The following WDR33 variants were observed in gnomAD, a reference collection of about 807,000 sequenced individuals.
WDR33 encodes the protein pre-mRNA 3' end processing protein WDR33.
Under a neutral mutation model 164.9 loss-of-function variants are expected in WDR33, and 47 were observed. The observed-to-expected ratio is 0.29, with a 90% CI of 0.23 to 0.36. WDR33 has a LOEUF of 0.36. Among genes scored for constraint, WDR33 ranks in the 10% least tolerant of loss-of-function variants. The pLI is 1.00. For missense variants in WDR33, 1,137 were observed against 1,754.1 expected, an observed-to-expected ratio of 0.65 and a Z score of 6.28; for synonymous variants, 505 against 589.0, an observed-to-expected ratio of 0.86 and a Z score of 2.06.
intron 21 of WDR33, among the ~76,000 whole-genome samples, chr2:127,707,233 A>AG (rs1390481512): frequency 2.0e-5 from 3 of 151,426 alleles, no homozygotes; most frequent in African/African-American, 7.3e-5. Context: ...TATATTTAAA[A>AG]AAAAAAAAAA....
In WDR33 at chr2:127,724,839, G is replaced by A. The variant is rs147191220; in HGVS notation, c.1085+48C>T. On this transcript the variant is annotated intron_variant, in intron 10 of 21. Transcript: ENST00000322313. The surrounding 1 kb of genome is among the most constrained non-coding windows in gnomAD (Gnocchi z 4.8). ...AACTATCATGTCTGCACACATTCAC[G>A]TGCTCTCTTCACAAAATACACTACT... 7.0e-5 allele frequency: 111 copies of A among 1,584,656 alleles called. 2 individuals are homozygous for A. The Middle Eastern group carries it at 1.0e-3, about 14-fold the overall frequency.
intron 1 of WDR33, among the ~76,000 whole-genome samples, chr2:127,779,666 G>A (rs1015558698): frequency 2.0e-5 from 3 of 152,126 alleles, no homozygotes; most frequent in African/African-American, 7.2e-5. Flanking sequence ...CCCTTCCTGT[G>A]TATTTTCTGT....
At chr2:127,728,764 T>A (rs1028043293) in intron 7 of WDR33, among the ~76,000 whole-genome samples, 1 of 152,134 alleles carries the variant, frequency 6.6e-6, no homozygotes, top group African/African-American at 2.4e-5. Context: ...TCAATCAAAT[T>A]TGGGATTATG....
chr2:127,788,472 G>A (rs1201090687), intron 1 of WDR33, among the ~76,000 whole-genome samples: 2 of 133,106 alleles, frequency 1.5e-5, no homozygotes, highest in Non-Finnish European at 3.2e-5. Context: ...CGGGCGGGGG[G>A]CTGACACCCC....
At position 127,721,299 on chromosome 2, in the gene WDR33, G is replaced by C. The variant is rs1308093367; in HGVS notation, c.1671+537C>G. ...ATTTTTGTATTTTCAGTAGAGGTGGGGTTTCACCATGTTGACCATGCTGGT... is the reference window on the plus strand; with the variant it reads ...ATTTTTGTATTTTCAGTAGAGGTGGCGTTTCACCATGTTGACCATGCTGGT... On this transcript the variant is annotated intron_variant, in intron 15 of 21. Coordinates refer to ENST00000322313, the MANE Select transcript of WDR33 (RefSeq NM_018383.5). This position sits in a 1 kb window ranked among gnomAD's most constrained non-coding sequence, Gnocchi z 4.9. Among the ~76,000 whole-genome samples the C allele has an allele frequency of 6.6e-6, 1 of 152,084 alleles. No individual in the cohort carries two copies. Among genetic ancestry groups the C allele is most frequent in the Non-Finnish European group, 1.5e-5 (1 of 68,016 alleles).
chr2:127,810,484 C>T (rs1420698018), intron 1 of WDR33, among the ~76,000 whole-genome samples: 2 of 152,194 alleles, frequency 1.3e-5, no homozygotes, highest in Non-Finnish European at 2.9e-5. Flanking sequence ...AGGGATCTAG[C>T]ACAAACCAAA....
intron 7 of WDR33, chr2:127,737,374 T>C: frequency 1.0e-6 from 1 of 985,540 alleles, no homozygotes; most frequent in Non-Finnish European, 1.2e-6. Context: ...TGTGTGTGTG[T>C]ATGTTCGGGC....
chr2:127,767,839 T>C (rs1687870052), intron 4 of WDR33, among the ~76,000 whole-genome samples: 1 of 152,250 alleles, frequency 6.6e-6, no homozygotes, highest in South Asian at 2.1e-4. Flanking sequence ...TCCTGTCTGT[T>C]AACTCCTAAG....
chr2:127,701,179 T>A lies in WDR33; in HGVS notation c.*5144A>T. On this transcript the variant is annotated 3_prime_UTR_variant, in exon 22 of 22. Transcript: ENST00000322313. ...TAGACGCAGTGAGGCCATAAGACAT[T>A]TCCGTCAGCAAAAGGGTCACTTCTT... 1 of 187,552 alleles carries A rather than the reference T, an allele frequency of 5.3e-6. No individual in the cohort carries two copies. Among genetic ancestry groups the A allele is most frequent in the Non-Finnish European group, 1.1e-5 (1 of 91,632 alleles). 11.6% of individuals were successfully genotyped at this position (187,552 alleles called of 1,614,324 possible).
intron 7 of WDR33, among the ~76,000 whole-genome samples, chr2:127,731,455 A>C (rs1686706391): frequency 6.6e-6 from 1 of 152,206 alleles, no homozygotes; most frequent in Non-Finnish European, 1.5e-5. Flanking sequence ...TATCTATCAC[A>C]ATCTTAAAGG....
chr2:127,796,469 T>C (rs534843131), intron 1 of WDR33, among the ~76,000 whole-genome samples: 2 of 151,942 alleles, frequency 1.3e-5, no homozygotes, highest in Non-Finnish European at 2.9e-5. Flanking sequence ...TCCCAGCACT[T>C]TGGGAGACCA....
rs1685924913 is a variant in WDR33 at position 127,702,725 on chromosome 2, GT to G, written c.*3597del. The G allele has an allele frequency of 6.0e-6, 1 of 167,038 alleles. No individual in the cohort carries two copies. Among genetic ancestry groups the G allele is most frequent in the South Asian group, 2.1e-4 (1 of 4,826 alleles). 10.3% of individuals were successfully genotyped at this position (167,038 alleles called of 1,614,324 possible). ...AAGTACTTAAGATGGTTTATCTCGG[GT>G]TTTTTCTTCAGTTAACAAAATCATA... On this transcript the variant is annotated 3_prime_UTR_variant, in exon 22 of 22. Coordinates refer to ENST00000322313, the MANE Select transcript of WDR33 (RefSeq NM_018383.5).
At chr2:127,803,692 T>C (rs1015113506) in intron 1 of WDR33, among the ~76,000 whole-genome samples, 5 of 152,238 alleles carry the variant, frequency 3.3e-5, no homozygotes, top group African/African-American at 1.2e-4. Context: ...TCCTGGTTTA[T>C]AAATAATATT....
intron 7 of WDR33, among the ~76,000 whole-genome samples, chr2:127,760,581 T>G (rs879337343): frequency 6.6e-6 from 1 of 152,164 alleles, no homozygotes; most frequent in Non-Finnish European, 1.5e-5. Context: ...GGGAAGCTCT[T>G]AGATGCATAA....
At chr2:127,760,791 T>A (rs1405751233) in intron 7 of WDR33, among the ~76,000 whole-genome samples, 2 of 152,160 alleles carry the variant, frequency 1.3e-5, no homozygotes, top group Non-Finnish European at 2.9e-5. Flanking sequence ...TTAAAAAGAA[T>A]CAAAAGATAT....
Position 127,719,211 on chromosome 2 carries a change from T to G in WDR33, c.2760+54A>C. On this transcript the variant is annotated intron_variant, in intron 16 of 21. Coordinates refer to ENST00000322313, the MANE Select transcript of WDR33 (RefSeq NM_018383.5). The surrounding 1 kb of genome is among the most constrained non-coding windows in gnomAD (Gnocchi z 6.5). ...TTTCCACAATACTCAGCAGTATTAC[T>G]TCTGTGCAGAGTGTATTTTCCCAAT... The G allele has an allele frequency of 7.3e-7, 1 of 1,374,126 alleles. No individual in the cohort carries two copies. The highest frequency in any genetic ancestry group is 9.4e-7 in the Non-Finnish European group (1 of 1,065,126). The allele number at this position is 1,374,126 out of a possible 1,614,324, so 85.1% of individuals were successfully genotyped here. A position where few individuals can be genotyped will look rare whatever the true frequency, so the allele number is the denominator to read the frequency against.
rs1382438028 is a variant in WDR33 at position 127,711,774 on chromosome 2, A to ATTTTTTTTTTTT, written c.3308+1808_3308+1809insAAAAAAAAAAAA. On this transcript the variant is annotated intron_variant, in intron 18 of 21. Coordinates refer to ENST00000322313, the MANE Select transcript of WDR33 (RefSeq NM_018383.5). ...CAGATATATATATATATATATATAT[A>ATTTTTTTTTTTT]TATATATTTTTTTTTTGAGACAGAG... is the stretch of plus-strand genomic sequence containing the variant. Among the ~76,000 whole-genome samples the ATTTTTTTTTTTT allele has an allele frequency of 4.1e-4, 38 of 93,334 alleles. 1 individual carries two copies. Among genetic ancestry groups the ATTTTTTTTTTTT allele is most frequent in the Non-Finnish European group, 5.1e-4 (26 of 51,126 alleles). The allele number at this position is 93,334 out of a possible 152,430, so 61.2% of individuals were successfully genotyped here.
chr2:127,715,835 G>GGGC (rs967887497), intron 17 of WDR33, among the ~76,000 whole-genome samples: 7 of 152,218 alleles, frequency 4.6e-5, no homozygotes, highest in African/African-American at 1.4e-4. Flanking sequence ...ACCAGTGATG[G>GGGC]GGCGGCGGCG....
At position 127,713,507 on chromosome 2, in the gene WDR33, G is replaced by A. The variant is rs927074545; in HGVS notation, c.3308+76C>T. 3 of 1,499,896 alleles carry A rather than the reference G, an allele frequency of 2.0e-6. No homozygotes were observed. In the African/African-American group the frequency reaches 4.2e-5, roughly 21 times the overall value. 92.9% of individuals were successfully genotyped at this position (1,499,896 alleles called of 1,614,324 possible). A position where few individuals can be genotyped will look rare whatever the true frequency, so the allele number is the denominator to read the frequency against. ...AATTCTCTTTCCTCAAGAAAAAGAA[G>A]AAAGAGACCTTTGTGGAGACAGCAG... On this transcript the variant is annotated intron_variant, in intron 18 of 21. Transcript: ENST00000322313. The surrounding 1 kb of genome is among the most constrained non-coding windows in gnomAD (Gnocchi z 6.2).
Sources: allele counts gnomAD v4.1 joint callset (sites outside exome capture counted in the v4.1 genomes callset), GRCh38; gene constraint gnomAD v4.1.1; non-coding constraint Gnocchi (gnomAD v3.1); transcripts MANE v1.5; gene names NCBI Gene and HGNC (gene_info 2026-07-23, HGNC 2026-07-21).